ATG16L2: variants seen among roughly 807,000 people sequenced by gnomAD.
ATG16L2 encodes autophagy related 16 like 2, also known as protein Atg16l2.
In ATG16L2, 77 loss-of-function variants were observed where a neutral mutation model predicts 84.7. The ratio of observed to expected loss-of-function variants is 0.91; its 90% CI spans 0.76 to 1.10. The LOEUF (loss-of-function observed/expected upper bound fraction) is 1.10, where lower values mean the gene tolerates loss of function less well. Ranked by LOEUF, ATG16L2 falls within the 50% of genes least tolerant of loss-of-function variation. The pLI is 0.00. For synonymous variants in ATG16L2, 361 were observed against 342.8 expected (o/e 1.05, Z -0.59); for missense variants, 782 against 817.6 (o/e 0.96, Z 0.53).
intron 5 of ATG16L2, among the ~76,000 whole-genome samples, chr11:72,835,867 G>A (rs968957350): frequency 1.3e-5 from 2 of 151,578 alleles, no homozygotes; most frequent in Non-Finnish European, 2.9e-5. Flanking sequence ...TCCTGCCTCA[G>A]CCTCCAGAGT....
intron 8 of ATG16L2, 167 bp downstream of exon 8, chr11:72,824,289 G>A (rs768300840): frequency 1.7e-5 from 13 of 761,424 alleles, no homozygotes; most frequent in Non-Finnish European, 2.4e-5. Context: ...CCTCAGCCCC[G>A]GCCCCGGTTC....
rs765538493 is a variant in ATG16L2, at chr11:72,827,279, G to C, written c.1458G>C (p.Arg486=). The change falls in exon 14 of 18, where the codon CGG becomes CGC. Residue 486 remains arginine, a synonymous_variant. Transcript: ENST00000321297. ...GTGGCCACAATGACCAGAAGATCCG[G>C]TTCTGGGACAGCAGGTGACAGGCGC... ...IISGHNDQKI[R]FWDSRGPHCT... is the part of the protein sequence containing the mutation. 8.7e-6 allele frequency: 14 copies of C among 1,613,630 alleles called. No homozygotes were observed. Among genetic ancestry groups the C allele is most frequent in the Non-Finnish European group, 1.2e-5 (14 of 1,179,586 alleles).
At chr11:72,836,496 T>C (rs1860731633) in intron 5 of ATG16L2, among the ~76,000 whole-genome samples, 1 of 152,024 alleles carries the variant, frequency 6.6e-6, no homozygotes, top group Non-Finnish European at 1.5e-5. Context: ...TCCTCACGTA[T>C]TTCTTTTTTT....
chr11:72,826,692 C>A lies in ATG16L2; in HGVS notation c.1246-11C>A, dbSNP rs1860378993. 1 of 1,613,990 alleles carries A rather than the reference C, an allele frequency of 6.2e-7. No individual in the cohort carries two copies. The highest frequency in any genetic ancestry group is 1.3e-5 in the African/African-American group (1 of 74,896). On this transcript the variant is annotated splice_polypyrimidine_tract_variant and intron_variant, in intron 12 of 17. Coordinates refer to ENST00000321297, the MANE Select transcript of ATG16L2 (RefSeq NM_033388.2). ...CCAAACTCTTGATCCGTACCTGGGG[C>A]CGGGGTACAGGAGACACTGTCTGGA... is the stretch of plus-strand genomic sequence containing the variant.
chr11:72,830,261 G>C (rs2135129992), downstream of ATG16L2, among the ~76,000 whole-genome samples: 1 of 151,872 alleles, frequency 6.6e-6, no homozygotes, highest in East Asian at 1.9e-4. Flanking sequence ...TGGTTAAATG[G>C]CAACACCTAC....
intron 1 of ATG16L2, among the ~76,000 whole-genome samples, chr11:72,814,844 G>C (rs1412934721): frequency 6.6e-6 from 1 of 152,208 alleles, no homozygotes; most frequent in Non-Finnish European, 1.5e-5. Flanking sequence ...GTGCGTCCTC[G>C]GGTGTTGGTT....
At chr11:72,824,159 G>T in intron 8 of ATG16L2, 37 bp downstream of exon 8, 1 of 1,613,468 alleles carries the variant, frequency 6.2e-7, no homozygotes. Context: ...ACCCACGTGT[G>T]TGTCGGGCTC....
At chr11:72,838,622 A>G in intron 5 of ATG16L2, 2 of 603,248 alleles carry the variant, frequency 3.3e-6, no homozygotes, top group Admixed American at 2.9e-5. Context: ...AAAGGCACGA[A>G]ATATTCAAAA....
Position 72,821,667 on chromosome 11 carries a change from G to C in ATG16L2, c.319-1G>C. On this transcript the variant is annotated splice_acceptor_variant, in intron 3 of 17. Coordinates refer to ENST00000321297, the MANE Select transcript of ATG16L2 (RefSeq NM_033388.2). LOFTEE classifies it high-confidence loss of function. Reference sequence around the variant, plus strand: ...CGCCGTGCCCACCTGTCCGCCCCCAGATGGCCTACCAGGTGGTGGAGAAGG... The same window carrying C: ...CGCCGTGCCCACCTGTCCGCCCCCACATGGCCTACCAGGTGGTGGAGAAGG... 1 of 1,535,354 alleles carries C rather than the reference G, an allele frequency of 6.5e-7. No homozygotes were observed.
Position 72,826,767 on chromosome 11 carries a change from C to G in ATG16L2, c.1310C>G (p.Ala437Gly). The change falls in exon 13 of 18, where the codon GCA (alanine) becomes GGA (glycine). Residue 437 changes from alanine to glycine, a missense_variant. Transcript: ENST00000321297. ...AAKFKLTRHQ[A>G]VTGSRDRTVK... ...AAATTCAAGCTAACGAGGCACCAGG[C>G]AGTGACTGGGAGCCGCGACCGGACA... 1 of 1,614,094 alleles carries G rather than the reference C, an allele frequency of 6.2e-7. No individual in the cohort carries two copies.
chr11:72,816,631 T>C (rs1591292465), intron 1 of ATG16L2, 97 bp from the exon 2 acceptor site: 1 of 973,202 alleles, frequency 1.0e-6, no homozygotes, highest in Non-Finnish European at 1.6e-6. Context: ...CTAGCATCTC[T>C]GGGCTCCTTC....
At chr11:72,819,183 G>A (rs577394506) in intron 3 of ATG16L2, among the ~76,000 whole-genome samples, 122 of 152,216 alleles carry the variant, frequency 8.0e-4, no homozygotes, top group African/African-American at 2.3e-3. Flanking sequence ...CCCCCCAGTC[G>A]TTCTCACACA....
chr11:72,826,926 A>G, intron 13 of ATG16L2, 103 bp downstream of exon 13: 1 of 1,386,878 alleles, frequency 7.2e-7, no homozygotes, highest in Non-Finnish European at 9.9e-7. Context: ...TCTGAGATTC[A>G]TAGGCATTTG....
exon 6 of ATG16L2, chr11:72,843,003 T>C (rs555714802): frequency 1.1e-6 from 1 of 892,138 alleles, no homozygotes; most frequent in South Asian, 1.7e-5. Flanking sequence ...AGGGTTCTAC[T>C]GTGCAGGACA....
chr11:72,838,170 T>C (rs1272946962), intron 5 of ATG16L2: 2 of 152,616 alleles, frequency 1.3e-5, no homozygotes, highest in East Asian at 3.9e-4. Context: ...CGAAGGACAC[T>C]GTTATTTTAA....
At chr11:72,826,862 G>A (rs1021849213) in intron 13 of ATG16L2, 39 bp downstream of exon 13, 2 of 1,605,046 alleles carry the variant, frequency 1.2e-6, no homozygotes, top group Non-Finnish European at 1.7e-6. Context: ...CTCCCCACCA[G>A]CCAGGAGCCC....
In ATG16L2 at chr11:72,822,249, G is replaced by A. The variant is rs1860045005; in HGVS notation, c.598G>A (p.Ala200Thr). 5 of 1,498,732 alleles carry A rather than the reference G, an allele frequency of 3.3e-6. No homozygotes were observed. The highest frequency in any genetic ancestry group is 4.7e-5 in the Admixed American group (2 of 42,958). 92.8% of individuals were successfully genotyped at this position (1,498,732 alleles called of 1,614,324 possible). A position where few individuals can be genotyped will look rare whatever the true frequency, so the allele number is the denominator to read the frequency against. The change falls in exon 5 of 18, where the codon GCG becomes ACG. Residue 200 changes from alanine (A) to threonine (T), a missense_variant. Ala to Thr is a moderately conservative substitution (Grantham distance 58, BLOSUM62 0). Coordinates refer to ENST00000321297, the MANE Select transcript of ATG16L2 (RefSeq NM_033388.2). This position sits in a 1 kb window ranked among gnomAD's most constrained non-coding sequence, Gnocchi z 4.2. ...GCTGGAGAGGCTCGTGCAGCGCAAG[G>A]CGCGCGCCGCGGCCGAGCGCAACCT... ...DLLERLVQRK[A>T]RAAAERNLRN...
chr11:72,821,176 T>C, intron 3 of ATG16L2: 1 of 977,466 alleles, frequency 1.0e-6, no homozygotes, highest in Non-Finnish European at 1.2e-6. Context: ...TAAACCTCTC[T>C]GTCGGTGTCC....
rs1860043591 is a variant in ATG16L2 at position 72,822,241 on chromosome 11, A to G, written c.590A>G (p.Gln197Arg). The change falls in exon 5 of 18, where the codon CAG (glutamine) becomes CGG (arginine). Residue 197 changes from glutamine (Q) to arginine (R), a missense_variant. Physicochemically the swap from Gln to Arg is conservative, Grantham distance 43. Coordinates refer to ENST00000321297, the MANE Select transcript of ATG16L2 (RefSeq NM_033388.2). This position sits in a 1 kb window ranked among gnomAD's most constrained non-coding sequence, Gnocchi z 4.2. ...CGCGACCTGCTGGAGAGGCTCGTGC[A>G]GCGCAAGGCGCGCGCCGCGGCCGAG... ...EARDLLERLV[Q>R]RKARAAAERN... 1.3e-6 allele frequency: 2 copies of G among 1,495,556 alleles called. No homozygotes were observed. The highest frequency in any genetic ancestry group is 2.3e-5 in the Admixed American group (1 of 42,826). The allele number at this position is 1,495,556 out of a possible 1,614,324, so 92.6% of individuals were successfully genotyped here.
Sources: gnomAD v4.1 joint callset for allele counts (sites outside exome capture counted in the v4.1 genomes callset) on GRCh38, gnomAD v4.1.1 for gene constraint, Gnocchi (gnomAD v3.1) non-coding constraint, MANE v1.5 for transcripts, NCBI Gene and HGNC (gene_info 2026-07-23, HGNC 2026-07-21) for gene names.